Variants in CNBD1 observed in about 807,000 individuals in gnomAD.
CNBD1 encodes the protein cyclic nucleotide-binding domain-containing protein 1.
A neutral mutation model predicts 54.4 loss-of-function variants in CNBD1; 71 were observed. The observed-to-expected ratio is 1.30, with a 90% CI of 1.08 to 1.59. The LOEUF is 1.59. CNBD1 is among the 40% of genes most tolerant of loss of function. The pLI is 0.00. For synonymous variants in CNBD1, 182 were observed against 170.7 expected (o/e 1.07, Z -0.51); for missense variants, 659 against 518.0 (o/e 1.27, Z -2.64).
chr8:87,164,223 C>A (rs1812914861), intron 4 of CNBD1, among the ~76,000 whole-genome samples: 1 of 151,664 alleles, frequency 6.6e-6, no homozygotes, highest in Non-Finnish European at 1.5e-5. Context: ...TTTTTTGCAT[C>A]CATGTTTATT....
rs576121966 is a variant in CNBD1, at chr8:87,335,100, T to G, written c.1043-16585T>G. ...GTTATGATTTCAGTTCTTTTGCATT[T>G]GCTGAGGAGCGTTTTACTTCCAATT... On this transcript the variant is annotated intron_variant, in intron 8 of 10. Transcript: ENST00000518476. Among the ~76,000 whole-genome samples the G allele has an allele frequency of 1.1e-4, 16 of 152,328 alleles. No homozygotes were observed. The South Asian group carries it at 2.7e-3, about 26-fold the overall frequency.
At chr8:86,908,194 C>T (rs116253721) in intron 3 of CNBD1, among the ~76,000 whole-genome samples, 1,943 of 152,108 alleles carry the variant, frequency 0.013, 33 homozygotes, top group Middle Eastern at 0.044. Context: ...CTGGCTGAGA[C>T]GTTGAGAAAC....
At chr8:86,961,712 G>A (rs1048286058) in intron 4 of CNBD1, among the ~76,000 whole-genome samples, 1 of 152,334 alleles carries the variant, frequency 6.6e-6, no homozygotes, top group East Asian at 1.9e-4. Context: ...GGCCTACCAC[G>A]ATCTTTGTAA....
At chr8:87,328,694 T>A (rs1228685406) in intron 8 of CNBD1, among the ~76,000 whole-genome samples, 2 of 152,140 alleles carry the variant, frequency 1.3e-5, no homozygotes, top group African/African-American at 4.8e-5. Context: ...TTACTTTGGG[T>A]ATTTTGGACA....
chr8:87,020,452 GT>G (rs1809462232), intron 4 of CNBD1, among the ~76,000 whole-genome samples: 1 of 152,150 alleles, frequency 6.6e-6, no homozygotes, highest in Non-Finnish European at 1.5e-5. Flanking sequence ...AACCGATGCT[GT>G]TTAGTTGGCC....
intron 8 of CNBD1, among the ~76,000 whole-genome samples, chr8:87,341,183 C>G (rs996486457): frequency 6.6e-6 from 1 of 152,062 alleles, no homozygotes; most frequent in Non-Finnish European, 1.5e-5. Context: ...CACTCATAAC[C>G]TCTTGCTCTC....
At chr8:86,868,776 T>A (rs958956352) in intron 1 of CNBD1, among the ~76,000 whole-genome samples, 3 of 152,236 alleles carry the variant, frequency 2.0e-5, no homozygotes, top group African/African-American at 7.2e-5. Flanking sequence ...GTGATATCCA[T>A]GCCTTAATTC....
intron 4 of CNBD1, among the ~76,000 whole-genome samples, chr8:86,956,269 C>T (rs1047059852): frequency 2.0e-5 from 3 of 152,124 alleles, no homozygotes; most frequent in African/African-American, 7.2e-5. Flanking sequence ...TAGCATGATG[C>T]CTCCAGCTTT....
chr8:86,910,414 T>C (rs1809083308), intron 3 of CNBD1, among the ~76,000 whole-genome samples: 1 of 152,006 alleles, frequency 6.6e-6, no homozygotes, highest in Non-Finnish European at 1.5e-5. Context: ...AAGGAATTTT[T>C]TTCAACCAGA....
At chr8:86,877,623 C>T (rs1808543584) in intron 1 of CNBD1, among the ~76,000 whole-genome samples, 1 of 152,120 alleles carries the variant, frequency 6.6e-6, no homozygotes, top group Non-Finnish European at 1.5e-5. Context: ...TAACAATTAG[C>T]TGCTAATCGA....
chr8:86,957,309 G>T (rs1025244043), intron 4 of CNBD1, among the ~76,000 whole-genome samples: 5 of 152,142 alleles, frequency 3.3e-5, no homozygotes, highest in East Asian at 3.9e-4. Context: ...TTGTGTCTCT[G>T]CCAGGCTTTG....
intron 2 of CNBD1, among the ~76,000 whole-genome samples, chr8:87,422,039 T>A (rs1807948770): frequency 6.7e-6 from 1 of 148,328 alleles, no homozygotes; most frequent in African/African-American, 2.6e-5. Flanking sequence ...TGATGAGCAT[T>A]TCTTCATGTG....
intron 4 of CNBD1, among the ~76,000 whole-genome samples, chr8:87,117,614 C>T (rs1811802034): frequency 6.6e-6 from 1 of 152,088 alleles, no homozygotes; most frequent in Admixed American, 6.5e-5. Context: ...TCATTATATG[C>T]TTCACAAAGT....
chr8:87,360,477 A>G (rs1407915683), intron 10 of CNBD1, among the ~76,000 whole-genome samples: 6 of 151,846 alleles, frequency 4.0e-5, no homozygotes, highest in Non-Finnish European at 5.9e-5. Flanking sequence ...TTCACATGCT[A>G]CTGAGAATGT....
chr8:87,248,919 C>T (rs769355532), intron 6 of CNBD1, among the ~76,000 whole-genome samples: 1 of 152,268 alleles, frequency 6.6e-6, no homozygotes, highest in African/African-American at 2.4e-5. Flanking sequence ...CACGTATGGA[C>T]TAAACTAAGT....
chr8:87,307,748 T>TTATATATATATATATATATATATATA (rs35262193), intron 8 of CNBD1, among the ~76,000 whole-genome samples: 25 of 138,072 alleles, frequency 1.8e-4, no homozygotes, highest in African/African-American at 6.6e-4. Context: ...AAAAAAAAAA[T>TTATATATATATATATATATATATATA]TATATATATA....
chr8:87,297,541 TA>T (rs1415570096), intron 8 of CNBD1, among the ~76,000 whole-genome samples: 10 of 152,192 alleles, frequency 6.6e-5, no homozygotes, highest in Non-Finnish European at 1.5e-5. Flanking sequence ...TATTTCTTTT[TA>T]AAATATCTTA....
At chr8:87,399,380 C>T (rs191889910) in intron 2 of CNBD1, among the ~76,000 whole-genome samples, 1 of 152,082 alleles carries the variant, frequency 6.6e-6, no homozygotes, top group East Asian at 1.9e-4. Context: ...TTTCTCTGTT[C>T]TCCCCAACAC....
At chr8:87,409,015 C>T (rs1303816914) in intron 2 of CNBD1, among the ~76,000 whole-genome samples, 3 of 152,052 alleles carry the variant, frequency 2.0e-5, no homozygotes, top group Non-Finnish European at 2.9e-5. Context: ...ACAGTGGCCT[C>T]TTAAGTTTTC....
Sources: gnomAD v4.1 joint callset for allele counts (sites outside exome capture counted in the v4.1 genomes callset) on GRCh38, gnomAD v4.1.1 for gene constraint, MANE v1.5 for transcripts, NCBI Gene and HGNC (gene_info 2026-07-23, HGNC 2026-07-21) for gene names.